Variants in TMEM271 observed in about 807,000 individuals in gnomAD.
The protein encoded by TMEM271 is transmembrane protein 271.
chr4:575,768 C>T lies in TMEM271; in HGVS notation c.295G>A (p.Glu99Lys). The change falls in exon 1 of 1, where the codon GAG (glutamate) becomes AAG (lysine). Residue 99 changes from glutamate to lysine, a missense_variant. Physicochemically the swap from Glu to Lys is moderately conservative, Grantham distance 56. Transcript: ENST00000610212. ...GVPAAPAGAP[E>K]ATPGESGAAA... ...GCCCCCGACTCGCCCGGCGTGGCCT[C>T]GGGAGCGCCTGCCGGCGCCGCGGGG... The T allele has an allele frequency of 2.8e-6, 1 of 360,706 alleles. No individual in the cohort carries two copies. Among genetic ancestry groups the T allele is most frequent in the Non-Finnish European group, 5.0e-6 (1 of 201,776 alleles). 22.3% of individuals were successfully genotyped at this position (360,706 alleles called of 1,614,324 possible).
rs1025875133 is a variant in TMEM271, at chr4:574,872, G to A, written c.*33C>T. The stretch of plus-strand genomic sequence containing the variant: ...GGGGCGGGGTGGGTGGAACGCAAGC[G>A]CGGTCCGCGGGATGGGGGTCCGGCC... On this transcript the variant is annotated 3_prime_UTR_variant, in exon 1 of 1. Coordinates refer to ENST00000610212, the MANE Select transcript of TMEM271 (RefSeq NM_001362796.2). 2.5e-6 allele frequency: 1 copy of A among 395,654 alleles called. No homozygotes were observed. Among genetic ancestry groups the A allele is most frequent in the Non-Finnish European group, 4.5e-6 (1 of 224,054 alleles). The allele number at this position is 395,654 out of a possible 1,614,324, so 24.5% of individuals were successfully genotyped here. A position where few individuals can be genotyped will look rare whatever the true frequency, so the allele number is the denominator to read the frequency against.
rs1212050186 is a variant in TMEM271 at position 576,015 on chromosome 4, G to C, written c.48C>G (p.Leu16=). ...CGGCGCTGAGCGCGCAGGCGAGCAGGAGGCAGGAGGAGAGCGCGGCGCAGG... is the reference window on the plus strand; with the variant it reads ...CGGCGCTGAGCGCGCAGGCGAGCAGCAGGCAGGAGGAGAGCGCGGCGCAGG... ...RGACAALSSC[L]LLACALSAAA... is the part of the protein sequence containing the mutation. Residue 16 remains leucine, a synonymous_variant, in exon 1 of 1, where the codon CTC becomes CTG. Transcript: ENST00000610212. 5 of 356,246 alleles carry C rather than the reference G, an allele frequency of 1.4e-5. No individual in the cohort carries two copies. The East Asian group carries it at 1.6e-4, about 11-fold the overall frequency. The allele number at this position is 356,246 out of a possible 1,614,324, so 22.1% of individuals were successfully genotyped here. A position where few individuals can be genotyped will look rare whatever the true frequency, so the allele number is the denominator to read the frequency against.
In TMEM271 at chr4:575,708, T is replaced by C; in HGVS notation, c.355A>G (p.Asn119Asp). The C allele has an allele frequency of 2.8e-6, 1 of 356,102 alleles. No individual in the cohort carries two copies. 22.1% of individuals were successfully genotyped at this position (356,102 alleles called of 1,614,324 possible). A position where few individuals can be genotyped will look rare whatever the true frequency, so the allele number is the denominator to read the frequency against. ...ACCAGGACGCCGAGCAGAAGCAGGT[T>C]CTGGCTGCTCACCGGCCCCGGGGCC... is the stretch of plus-strand genomic sequence containing the variant. ...AGAPGPVSSQ[N>D]LLLLGVLVFM... The change falls in exon 1 of 1, where the codon AAC becomes GAC. Residue 119 changes from asparagine (N) to aspartate (D), a missense_variant. By Grantham distance (23) the Asn-to-Asp change is conservative. Coordinates refer to ENST00000610212, the MANE Select transcript of TMEM271 (RefSeq NM_001362796.2).
Position 574,730 on chromosome 4 carries a change from C to T in TMEM271, c.*175G>A, listed in dbSNP as rs766542433. The T allele has an allele frequency of 3.3e-4, 130 of 391,350 alleles. No individual in the cohort carries two copies. The highest frequency in any genetic ancestry group is 5.0e-4 in the Non-Finnish European group (112 of 221,878). 24.2% of individuals were successfully genotyped at this position (391,350 alleles called of 1,614,324 possible). On this transcript the variant is annotated 3_prime_UTR_variant, in exon 1 of 1. Coordinates refer to ENST00000610212, the MANE Select transcript of TMEM271 (RefSeq NM_001362796.2). ...GGGGCCCCCTCCTGTGGTCACGGAG[C>T]CCGCAGAGGGGGCCAGGCCGGAGGC... is the stretch of plus-strand genomic sequence containing the variant.
At position 574,760 on chromosome 4, in the gene TMEM271, A is replaced by C; in HGVS notation, c.*145T>G. The C allele has an allele frequency of 2.6e-6, 1 of 390,712 alleles. No individual in the cohort carries two copies. The highest frequency in any genetic ancestry group is 4.5e-6 in the Non-Finnish European group (1 of 221,434). 24.2% of individuals were successfully genotyped at this position (390,712 alleles called of 1,614,324 possible). ...AGAGGGGGCCAGGCCGGAGGCTGCA[A>C]AGCCACGTGGAAGAGGCGGCGCCCC... On this transcript the variant is annotated 3_prime_UTR_variant, in exon 1 of 1. Transcript: ENST00000610212.
rs1732417773 is a variant in TMEM271 at position 575,522 on chromosome 4, AGCCCGGGGCCGAG to A, written c.528_540del (p.Ser177ArgfsTer31). Reference sequence around the variant, plus strand: ...GAGCCCGGCGCCGAGCCGGGGGCCGAGCCCGGGGCCGAGCCGGGGGTTGAGCCCGGGGCCGAGC... The same window carrying A: ...GAGCCCGGCGCCGAGCCGGGGGCCGACCGGGGGTTGAGCCCGGGGCCGAGC... On this transcript the variant is annotated frameshift_variant, in exon 1 of 1. Coordinates refer to ENST00000610212, the MANE Select transcript of TMEM271 (RefSeq NM_001362796.2). LOFTEE classifies it high-confidence loss of function. 1 of 306,322 alleles carries A rather than the reference AGCCCGGGGCCGAG, an allele frequency of 3.3e-6. No homozygotes were observed. The highest frequency in any genetic ancestry group is 5.9e-6 in the Non-Finnish European group (1 of 168,828). The allele number at this position is 306,322 out of a possible 1,614,324, so 19.0% of individuals were successfully genotyped here.
rs902509436 is a variant in TMEM271, at chr4:574,854, G to A, written c.*51C>T. On this transcript the variant is annotated 3_prime_UTR_variant, in exon 1 of 1. Coordinates refer to ENST00000610212, the MANE Select transcript of TMEM271 (RefSeq NM_001362796.2). ...GCCGCGGGGGTCCTGAGCGGGGCGG[G>A]GTGGGTGGAACGCAAGCGCGGTCCG... 3 of 395,108 alleles carry A rather than the reference G, an allele frequency of 7.6e-6. No homozygotes were observed. Among genetic ancestry groups the A allele is most frequent in the Non-Finnish European group, 1.3e-5 (3 of 223,726 alleles). The allele number at this position is 395,108 out of a possible 1,614,324, so 24.5% of individuals were successfully genotyped here.
In TMEM271 at chr4:575,727, C is replaced by G; in HGVS notation, c.336G>C (p.Pro112=). 5.7e-6 allele frequency: 2 copies of G among 350,110 alleles called. No homozygotes were observed. The highest frequency in any genetic ancestry group is 7.6e-4 in the Middle Eastern group (1 of 1,322). The allele number at this position is 350,110 out of a possible 1,614,324, so 21.7% of individuals were successfully genotyped here. A position where few individuals can be genotyped will look rare whatever the true frequency, so the allele number is the denominator to read the frequency against. ...PGESGAAAGA[P]GPVSSQNLLL... is the part of the protein sequence containing the mutation. ...GCAGGTTCTGGCTGCTCACCGGCCC[C>G]GGGGCCCCGGCCGCGGCCCCCGACT... The change falls in exon 1 of 1, where the codon CCG becomes CCC. Residue 112 remains proline, a synonymous_variant. Transcript: ENST00000610212.
In TMEM271 at chr4:573,917, A is replaced by C. The variant is rs1732384504; in HGVS notation, c.*988T>G. 6.6e-6 allele frequency: 1 copy of C among 152,242 alleles called. No homozygotes were observed. The highest frequency in any genetic ancestry group is 2.1e-4 in the South Asian group (1 of 4,834). 9.4% of individuals were successfully genotyped at this position (152,242 alleles called of 1,614,324 possible). A position where few individuals can be genotyped will look rare whatever the true frequency, so the allele number is the denominator to read the frequency against. On this transcript the variant is annotated 3_prime_UTR_variant, in exon 1 of 1. Coordinates refer to ENST00000610212, the MANE Select transcript of TMEM271 (RefSeq NM_001362796.2). ...CGGGGTATATTTGAAATGAAATGCT[A>C]TCATACTCAAAATTACCAGATTAAT... is the stretch of plus-strand genomic sequence containing the variant.
At position 575,696 on chromosome 4, in the gene TMEM271, G is replaced by A. The variant is rs1430690882; in HGVS notation, c.367C>T (p.Leu123Phe). ...GPVSSQNLLL[L>F]GVLVFMLGVL... ...CCGAGCATGAAGACCAGGACGCCGA[G>A]CAGAAGCAGGTTCTGGCTGCTCACC... Residue 123 changes from leucine to phenylalanine, a missense_variant, in exon 1 of 1, where the codon CTC becomes TTC. Transcript: ENST00000610212. 2.8e-6 allele frequency: 1 copy of A among 358,890 alleles called. No homozygotes were observed. Among genetic ancestry groups the A allele is most frequent in the Non-Finnish European group, 5.0e-6 (1 of 200,124 alleles). 22.2% of individuals were successfully genotyped at this position (358,890 alleles called of 1,614,324 possible).
At position 575,841 on chromosome 4, in the gene TMEM271, G is replaced by C. The variant is rs1342821934; in HGVS notation, c.222C>G (p.Pro74=). 5 of 367,258 alleles carry C rather than the reference G, an allele frequency of 1.4e-5. No homozygotes were observed. The highest frequency in any genetic ancestry group is 4.3e-5 in the African/African-American group (2 of 47,036). 22.7% of individuals were successfully genotyped at this position (367,258 alleles called of 1,614,324 possible). A position where few individuals can be genotyped will look rare whatever the true frequency, so the allele number is the denominator to read the frequency against. ...LLGAALLCCG[P]RDAPLAGSEP... is the part of the protein sequence containing the mutation. ...CCGACCCCGCGAGGGGCGCGTCCCG[G>C]GGTCCGCAGCAGAGCAGGGCGGCGC... The change falls in exon 1 of 1, where the codon CCC becomes CCG. Residue 74 remains proline, a synonymous_variant. Coordinates refer to ENST00000610212, the MANE Select transcript of TMEM271 (RefSeq NM_001362796.2).
rs1344733986 is a variant in TMEM271, at chr4:575,652, C to G, written c.411G>C (p.Ala137=). The change falls in exon 1 of 1, where the codon GCG becomes GCC. Residue 137 remains alanine, a synonymous_variant. Transcript: ENST00000610212. ...CGGTGTCGCCGTCGATCACGGCGCC[C>G]GCGAATGCGCTGAGGACCCCGAGCA... ...VFMLGVLSAF[A]GAVIDGDTVS... The G allele has an allele frequency of 2.8e-6, 1 of 361,362 alleles. No homozygotes were observed. Among genetic ancestry groups the G allele is most frequent in the Non-Finnish European group, 5.0e-6 (1 of 201,746 alleles). The allele number at this position is 361,362 out of a possible 1,614,324, so 22.4% of individuals were successfully genotyped here. A position where few individuals can be genotyped will look rare whatever the true frequency, so the allele number is the denominator to read the frequency against.
At position 573,967 on chromosome 4, in the gene TMEM271, T is replaced by C. The variant is rs1474876153; in HGVS notation, c.*938A>G. 1 of 148,640 alleles carries C rather than the reference T, an allele frequency of 6.7e-6. No homozygotes were observed. Among genetic ancestry groups the C allele is most frequent in the African/African-American group, 2.6e-5 (1 of 38,190 alleles). 9.2% of individuals were successfully genotyped at this position (148,640 alleles called of 1,614,324 possible). A position where few individuals can be genotyped will look rare whatever the true frequency, so the allele number is the denominator to read the frequency against. ...TGAAATAATCAACAGGAAAATTATC[T>C]ATGCCAGAAAAACTATGACTGATTT... On this transcript the variant is annotated 3_prime_UTR_variant, in exon 1 of 1. Transcript: ENST00000610212.
chr4:575,231 G>A lies in TMEM271; in HGVS notation c.832C>T (p.Arg278Trp), dbSNP rs1305631982. The A allele has an allele frequency of 9.3e-6, 2 of 214,976 alleles. No homozygotes were observed. Among genetic ancestry groups the A allele is most frequent in the African/African-American group, 4.7e-5 (2 of 42,420 alleles). The allele number at this position is 214,976 out of a possible 1,614,324, so 13.3% of individuals were successfully genotyped here. ...CGGCCCCGCCGGCCCCGGCGCGCCC[G>A]AGAGGCGGGCGGCTGCGCGCGGAGC... ...SGLRAQPPAS[R>W]ARRGRRGRRG... The change falls in exon 1 of 1, where the codon CGG (arginine) becomes TGG (tryptophan). Residue 278 changes from arginine to tryptophan, a missense_variant. Arg to Trp is a moderately radical substitution (Grantham distance 101). Transcript: ENST00000610212.
In TMEM271 at chr4:576,093, GCGCCCGCCGC is replaced by G. The variant is rs951090849; in HGVS notation, c.-41_-32del. Reference sequence around the variant, plus strand: ...GCGCCCGAGCCGGCCCGCACCCCGCGCGCCCGCCGCCGCCCGCCGCCGCCCCCGCCGCCTG... The same window carrying G: ...GCGCCCGAGCCGGCCCGCACCCCGCGCGCCCGCCGCCGCCCCCGCCGCCTG... On this transcript the variant is annotated 5_prime_UTR_variant, in exon 1 of 1. Coordinates refer to ENST00000610212, the MANE Select transcript of TMEM271 (RefSeq NM_001362796.2). 1.0e-4 allele frequency: 21 copies of G among 205,512 alleles called. No individual in the cohort carries two copies. The highest frequency in any genetic ancestry group is 6.6e-4 in the South Asian group (4 of 6,092). The allele number at this position is 205,512 out of a possible 1,614,324, so 12.7% of individuals were successfully genotyped here. A position where few individuals can be genotyped will look rare whatever the true frequency, so the allele number is the denominator to read the frequency against.
Position 575,464 on chromosome 4 carries a change from A to G in TMEM271, c.599T>C (p.Leu200Pro). 2 of 261,218 alleles carry G rather than the reference A, an allele frequency of 7.7e-6. No individual in the cohort carries two copies. Among genetic ancestry groups the G allele is most frequent in the Non-Finnish European group, 1.4e-5 (2 of 138,516 alleles). 16.2% of individuals were successfully genotyped at this position (261,218 alleles called of 1,614,324 possible). A position where few individuals can be genotyped will look rare whatever the true frequency, so the allele number is the denominator to read the frequency against. ...APGAPRARST[L>P]DSATSAKCRQ... ...GCACTTGGCGGACGTGGCGCTGTCC[A>G]GGGTGCTGCGAGCGCGCGGGGCGCC... The change falls in exon 1 of 1, where the codon CTG becomes CCG. Residue 200 changes from leucine (L) to proline (P), a missense_variant. By Grantham distance (98) the Leu-to-Pro change is moderately conservative. Coordinates refer to ENST00000610212, the MANE Select transcript of TMEM271 (RefSeq NM_001362796.2).
chr4:575,628 G>A lies in TMEM271; in HGVS notation c.435C>T (p.Thr145=), dbSNP rs1732420915. 1.4e-5 allele frequency: 5 copies of A among 361,000 alleles called. No individual in the cohort carries two copies. In the South Asian group the frequency reaches 5.3e-4, roughly 38 times the overall value. The allele number at this position is 361,000 out of a possible 1,614,324, so 22.4% of individuals were successfully genotyped here. A position where few individuals can be genotyped will look rare whatever the true frequency, so the allele number is the denominator to read the frequency against. ...AFAGAVIDGD[T]VSLVERKYSH... ...AGTACTTGCGCTCCACCAGGGACAC[G>A]GTGTCGCCGTCGATCACGGCGCCCG... Residue 145 remains threonine, a synonymous_variant, in exon 1 of 1, where the codon ACC becomes ACT. Coordinates refer to ENST00000610212, the MANE Select transcript of TMEM271 (RefSeq NM_001362796.2).
chr4:575,405 GC>G lies in TMEM271; in HGVS notation c.657del (p.Leu220SerfsTer109). On this transcript the variant is annotated frameshift_variant, in exon 1 of 1. Coordinates refer to ENST00000610212, the MANE Select transcript of TMEM271 (RefSeq NM_001362796.2). LOFTEE classifies it high-confidence loss of function. ...TCAAGCGAGTTGAAGACGGTGGAGAGCACCAGGCCGCGCTGGTAGTCCTTCA... is the reference window on the plus strand; with the variant it reads ...TCAAGCGAGTTGAAGACGGTGGAGAGACCAGGCCGCGCTGGTAGTCCTTCA... ...RQLKDYQRGL[V>X]LSTVFNSLEC... 1 of 282,750 alleles carries G rather than the reference GC, an allele frequency of 3.5e-6. No individual in the cohort carries two copies. Among genetic ancestry groups the G allele is most frequent in the Non-Finnish European group, 6.6e-6 (1 of 151,190 alleles). 17.5% of individuals were successfully genotyped at this position (282,750 alleles called of 1,614,324 possible).
rs1577196687 is a variant in TMEM271 at position 575,561 on chromosome 4, C to T, written c.502G>A (p.Gly168Ser). The T allele has an allele frequency of 1.1e-4, 38 of 336,906 alleles. 1 individual carries two copies. In the East Asian group the frequency reaches 1.6e-3, roughly 15 times the overall value. The allele number at this position is 336,906 out of a possible 1,614,324, so 20.9% of individuals were successfully genotyped here. ...LPPRAPGSSP[G>S]SAPGSTPGSA... Reference sequence around the variant, plus strand: ...CCGGGGGTTGAGCCCGGGGCCGAGCCGGGGCTCGAACCTGGCGCCCGCGGG... The same window carrying T: ...CCGGGGGTTGAGCCCGGGGCCGAGCTGGGGCTCGAACCTGGCGCCCGCGGG... The change falls in exon 1 of 1, where the codon GGC (glycine) becomes AGC (serine). Residue 168 changes from glycine (G) to serine (S), a missense_variant. Transcript: ENST00000610212.
Sources: gnomAD v4.1 joint callset for allele counts on GRCh38, gnomAD v4.1.1 for gene constraint, MANE v1.5 for transcripts, NCBI Gene and HGNC (gene_info 2026-07-23, HGNC 2026-07-21) for gene names.